GSAP: variants seen among roughly 807,000 people sequenced by gnomAD.
GSAP encodes the protein gamma-secretase-activating protein.
Under a neutral mutation model 131.7 loss-of-function variants are expected in GSAP, and 118 were observed. The ratio of observed to expected loss-of-function variants is 0.90; its 90% CI spans 0.77 to 1.04. GSAP has a LOEUF of 1.04. Ranked by LOEUF, GSAP falls within the 50% of genes least tolerant of loss-of-function variation. The pLI is 0.00. For synonymous variants in GSAP, 381 were observed against 363.4 expected (o/e 1.05, Z -0.55); for missense variants, 1,019 against 1,013.2 (o/e 1.01, Z -0.08).
At chr7:77,403,333 A>C (rs1028224772) in intron 3 of GSAP, among the ~76,000 whole-genome samples, 1 of 152,200 alleles carries the variant, frequency 6.6e-6, no homozygotes, top group Non-Finnish European at 1.5e-5. Context: ...TTAATGAATA[A>C]AGGTGAAAGG....
intron 19 of GSAP, among the ~76,000 whole-genome samples, chr7:77,346,343 T>A (rs1465414785): frequency 6.8e-6 from 1 of 147,098 alleles, no homozygotes; most frequent in African/African-American, 2.5e-5. Context: ...CAAAAAGAAA[T>A]TTTTTTAATG....
rs748478059 is a variant in GSAP, at chr7:77,382,599, A to G, written c.501T>C (p.His167=). Residue 167 remains histidine, a synonymous_variant, in exon 7 of 31, where the codon CAT becomes CAC. Coordinates refer to ENST00000257626, the MANE Select transcript of GSAP (RefSeq NM_017439.4). ...HIESHPLPEN[H]LLLISEEKYI... is the part of the protein sequence containing the mutation. ...ATTTCTCTTCTGAAATCAGTAACAG[A>G]TGGTTCTCTGGAAGAGGATGACTTT... 50 of 1,571,568 alleles carry G rather than the reference A, an allele frequency of 3.2e-5. No homozygotes were observed. The East Asian group carries it at 1.1e-3, about 33-fold the overall frequency.
At chr7:77,351,603 T>A in intron 18 of GSAP, 1 of 985,838 alleles carries the variant, frequency 1.0e-6, no homozygotes, top group Non-Finnish European at 1.2e-6. Context: ...AGGGAGGTTA[T>A]AACCACAGGT....
At chr7:77,397,062 T>G (rs766812050) in intron 4 of GSAP, 27 bp from the exon 5 acceptor site, 5 of 1,467,842 alleles carry the variant, frequency 3.4e-6, no homozygotes, top group Non-Finnish European at 4.7e-6. Flanking sequence ...AAAAATCCAT[T>G]AGCAATTGAT....
intron 14 of GSAP, 58 bp from the exon 15 acceptor site, chr7:77,355,705 A>T: frequency 1.1e-6 from 1 of 935,912 alleles, no homozygotes; most frequent in Non-Finnish European, 1.8e-6. Flanking sequence ...CAGGTACAGA[A>T]TGTCACATTA....
chr7:77,343,967 A>G (rs962792799), intron 19 of GSAP, among the ~76,000 whole-genome samples: 1 of 152,082 alleles, frequency 6.6e-6, no homozygotes, highest in Non-Finnish European at 1.5e-5. Flanking sequence ...TCCCTTCCCT[A>G]CACATCAAGC....
intron 6 of GSAP, among the ~76,000 whole-genome samples, chr7:77,383,798 T>C (rs1244181309): frequency 6.6e-6 from 1 of 152,224 alleles, no homozygotes; most frequent in Non-Finnish European, 1.5e-5. Context: ...GAAAGTAATA[T>C]AAAAGGGCAC....
At chr7:77,364,115 A>G (rs1233715740) in intron 12 of GSAP, among the ~76,000 whole-genome samples, 1 of 152,200 alleles carries the variant, frequency 6.6e-6, no homozygotes, top group African/African-American at 2.4e-5. Flanking sequence ...TTCCTTTAGA[A>G]GTAGTTTTTT....
intron 30 of GSAP, 138 bp downstream of exon 30, chr7:77,311,703 T>C: frequency 1.7e-6 from 1 of 603,614 alleles, no homozygotes; most frequent in Non-Finnish European, 3.0e-6. Context: ...AATTTGGTAC[T>C]GCTAATGTAA....
rs755187692 is a variant in GSAP at position 77,396,977 on chromosome 7, A to G, written c.367+5T>C. 3 of 1,571,210 alleles carry G rather than the reference A, an allele frequency of 1.9e-6. No individual in the cohort carries two copies. The highest frequency in any genetic ancestry group is 1.7e-6 in the Non-Finnish European group (2 of 1,144,832). On this transcript the variant is annotated splice_donor_5th_base_variant and intron_variant, in intron 5 of 30. Transcript: ENST00000257626. The stretch of plus-strand genomic sequence containing the variant: ...CATAGGTACTAAAAAGTGTAATTTC[A>G]TTACCTGGTTGAAGTTCGTTCCTTT...
At chr7:77,352,288 T>C (rs1036311823) in intron 18 of GSAP, among the ~76,000 whole-genome samples, 1 of 152,272 alleles carries the variant, frequency 6.6e-6, no homozygotes, top group Non-Finnish European at 1.5e-5. Flanking sequence ...CATGTAGTTC[T>C]AATATCTAAA....
chr7:77,334,947 G>T (rs1216737460), intron 19 of GSAP, among the ~76,000 whole-genome samples: 1 of 152,066 alleles, frequency 6.6e-6, no homozygotes. Context: ...GCCGGGTGTG[G>T]TGGCGGGCGC....
At chr7:77,353,842 T>C in intron 16 of GSAP, 1 of 465,328 alleles carries the variant, frequency 2.1e-6, no homozygotes, top group Non-Finnish European at 3.8e-6. Context: ...GTGAGATCCT[T>C]TTTATACATC....
intron 19 of GSAP, among the ~76,000 whole-genome samples, chr7:77,339,246 T>C (rs1184946411): frequency 2.0e-5 from 3 of 152,002 alleles, no homozygotes; most frequent in African/African-American, 7.3e-5. Context: ...AAGGTGAAGG[T>C]AGCAGCTTGG....
intron 26 of GSAP, among the ~76,000 whole-genome samples, chr7:77,319,503 TA>T (rs918205818): frequency 2.0e-5 from 3 of 151,744 alleles, no homozygotes; most frequent in African/African-American, 7.3e-5. Context: ...TCAAAAAATT[TA>T]AAAAAAAGAA....
intron 5 of GSAP, 76 bp from the exon 6 acceptor site, chr7:77,387,524 A>G (rs1360026727): frequency 2.5e-6 from 2 of 800,028 alleles, no homozygotes; most frequent in Non-Finnish European, 2.2e-6. Flanking sequence ...AGGAGTAAGA[A>G]CAATTTCCGG....
chr7:77,341,051 T>A (rs1790831631), intron 19 of GSAP, among the ~76,000 whole-genome samples: 1 of 152,150 alleles, frequency 6.6e-6, no homozygotes, highest in Non-Finnish European at 1.5e-5. Flanking sequence ...TTGGCCCCAA[T>A]ACAAACTTGA....
chr7:77,377,779 A>T (rs1040343502), intron 8 of GSAP, among the ~76,000 whole-genome samples: 1 of 152,266 alleles, frequency 6.6e-6, no homozygotes, highest in Non-Finnish European at 1.5e-5. Flanking sequence ...TACCAAAGAC[A>T]GAGGCTGTGA....
chr7:77,406,371 T>A (rs1802271098), intron 1 of GSAP, among the ~76,000 whole-genome samples: 1 of 152,236 alleles, frequency 6.6e-6, no homozygotes, highest in African/African-American at 2.4e-5. Context: ...ACTGATATAC[T>A]CTGCAATAAC....
Sources: gnomAD v4.1 joint callset for allele counts (sites outside exome capture counted in the v4.1 genomes callset) on GRCh38, gnomAD v4.1.1 for gene constraint, MANE v1.5 for transcripts, NCBI Gene and HGNC (gene_info 2026-07-23, HGNC 2026-07-21) for gene names.